TPST1: variants seen among roughly 807,000 people sequenced by gnomAD.
TPST1 encodes protein-tyrosine sulfotransferase 1.
In TPST1, 20 loss-of-function variants were observed where a neutral mutation model predicts 34.8. That is an observed-to-expected ratio of 0.57 (90% confidence interval 0.40 to 0.84). TPST1 has a LOEUF of 0.84. Ranked by LOEUF, TPST1 falls within the 40% of genes least tolerant of loss-of-function variation. The pLI is 0.00. For synonymous variants in TPST1, 152 were observed against 159.4 expected, an observed-to-expected ratio of 0.95 and a Z score of 0.35; for missense variants, 353 against 455.5, an observed-to-expected ratio of 0.78 and a Z score of 2.05.
intron 2 of TPST1, among the ~76,000 whole-genome samples, chr7:66,276,365 C>CATATATATATACATATATATATATAT (rs1554347639): frequency 1.1e-5 from 1 of 90,870 alleles, no homozygotes; most frequent in African/African-American, 6.0e-5. Context: ...AAAAACATTT[C>CATATATATATACATATATATATATAT]ATATATATAT....
In TPST1 at chr7:66,352,486, G is replaced by A. The variant is rs1363056; in HGVS notation, c.1045-19G>A. On this transcript the variant is annotated intron_variant, in intron 3 of 5. Transcript: ENST00000304842. ...ACTGGACCTGTTGCCTTAAACTCAC[G>A]CCTGCTTTGTTTTTCCAGGTCTATA... 73,489 of 1,610,160 alleles carry A rather than the reference G, an allele frequency of 0.046. 2,054 individuals are homozygous for A. The highest frequency in any genetic ancestry group is 0.11 in the East Asian group (4,902 of 44,840).
intron 2 of TPST1, among the ~76,000 whole-genome samples, chr7:66,269,898 TGTATCCTACGGTCTCATG>T (rs1790670617): frequency 6.6e-6 from 1 of 152,124 alleles, no homozygotes; most frequent in Admixed American, 6.6e-5. Flanking sequence ...CCAGCCATCA[TGTATCCTACGGTCTCATG>T]GTGGGGGAGG....
chr7:66,325,234 C>T (rs1393157422), intron 3 of TPST1, among the ~76,000 whole-genome samples: 4 of 152,130 alleles, frequency 2.6e-5, no homozygotes, highest in South Asian at 4.1e-4. Context: ...CTCACTATCA[C>T]GAGGACAGCA....
chr7:66,328,857 CCG>C (rs1562847063), intron 3 of TPST1, among the ~76,000 whole-genome samples: 3 of 63,800 alleles, frequency 4.7e-5, no homozygotes, highest in African/African-American at 1.7e-4. Flanking sequence ...TCTCTCTCTC[CCG>C]CTCTCTCTCT....
intron 3 of TPST1, among the ~76,000 whole-genome samples, chr7:66,341,394 C>T (rs1406609335): frequency 1.1e-4 from 16 of 152,180 alleles, no homozygotes; most frequent in Admixed American, 9.8e-4. Context: ...TTCTCTGCCT[C>T]AGCCTCCCAA....
chr7:66,253,709 TACC>T (rs1584179499), intron 2 of TPST1, among the ~76,000 whole-genome samples: 1 of 151,484 alleles, frequency 6.6e-6, no homozygotes, highest in Non-Finnish European at 1.5e-5. Context: ...TAATGCCATA[TACC>T]ACTCTATTTT....
chr7:66,212,521 A>G (rs1789285629), intron 1 of TPST1, among the ~76,000 whole-genome samples: 1 of 149,108 alleles, frequency 6.7e-6, no homozygotes, highest in South Asian at 2.1e-4. Flanking sequence ...GTGCAATGAT[A>G]TGATCTCGGC....
chr7:66,253,114 C>T (rs967054443), intron 2 of TPST1, among the ~76,000 whole-genome samples: 9 of 152,044 alleles, frequency 5.9e-5, no homozygotes, highest in African/African-American at 1.9e-4. Flanking sequence ...ATTGAATCTA[C>T]GTGAATGAAG....
chr7:66,213,451 A>G (rs1020836700), intron 1 of TPST1, among the ~76,000 whole-genome samples: 1 of 152,116 alleles, frequency 6.6e-6, no homozygotes, highest in Non-Finnish European at 1.5e-5. Context: ...TAAAGAGTGT[A>G]TGTAATGGCT....
chr7:66,353,906 C>A (rs1243896584), intron 4 of TPST1, among the ~76,000 whole-genome samples: 1 of 152,230 alleles, frequency 6.6e-6, no homozygotes, highest in African/African-American at 2.4e-5. Flanking sequence ...ATGTCTCACA[C>A]CAGAGTTGAA....
chr7:66,285,812 A>G (rs539634212), intron 2 of TPST1, among the ~76,000 whole-genome samples: 1 of 152,224 alleles, frequency 6.6e-6, no homozygotes, highest in Admixed American at 6.5e-5. Context: ...ACAGGCTTAG[A>G]GTAAATTTCC....
intron 3 of TPST1, among the ~76,000 whole-genome samples, chr7:66,333,581 T>C (rs1409111358): frequency 1.3e-5 from 2 of 152,232 alleles, no homozygotes; most frequent in Non-Finnish European, 2.9e-5. Context: ...TAGTCTTTTT[T>C]TCCCAGCTCC....
Position 66,270,290 on chromosome 7 carries a change from T to C in TPST1, c.846-16221T>C, listed in dbSNP as rs73365424. ...TTTTATGTGGGACCTTGTAGACCAC[T>C]GGAAGGACTATTTTAAAAATTACCT... On this transcript the variant is annotated intron_variant, in intron 2 of 5. Transcript: ENST00000304842. Among the ~76,000 whole-genome samples, 388 of 152,304 alleles carry C rather than the reference T, an allele frequency of 2.5e-3. 1 individual carries two copies. The highest frequency in any genetic ancestry group is 9.0e-3 in the African/African-American group (374 of 41,554).
At chr7:66,215,927 G>A (rs1431845312) in intron 1 of TPST1, among the ~76,000 whole-genome samples, 16 of 150,556 alleles carry the variant, frequency 1.1e-4, no homozygotes, top group African/African-American at 3.7e-4. Flanking sequence ...CGCCCGCCAC[G>A]ACGGCTGGCT....
intron 1 of TPST1, among the ~76,000 whole-genome samples, chr7:66,216,007 G>C (rs1346520910): frequency 6.6e-6 from 1 of 151,918 alleles, no homozygotes; most frequent in Admixed American, 6.6e-5. Context: ...TCCTGACCTT[G>C]TGATCCGCCC....
chr7:66,242,074 A>G lies in TPST1; in HGVS notation c.845+804A>G, dbSNP rs1414933929. On this transcript the variant is annotated intron_variant, in intron 2 of 5. Coordinates refer to ENST00000304842, the MANE Select transcript of TPST1 (RefSeq NM_003596.4). ...TTTTTAGCATTTTGCTTCTTTTCTT[A>G]TGAAGTGACAACTAGTATACCCTCT... Among the ~76,000 whole-genome samples the G allele has an allele frequency of 3.3e-5, 5 of 152,300 alleles. No homozygotes were observed. The South Asian group carries it at 8.3e-4, about 25-fold the overall frequency.
chr7:66,314,308 G>A (rs1490552577), intron 3 of TPST1, among the ~76,000 whole-genome samples: 1 of 152,210 alleles, frequency 6.6e-6, no homozygotes, highest in Non-Finnish European at 1.5e-5. Flanking sequence ...GCAGAGGCAG[G>A]AGGATCGCTT....
chr7:66,206,118 C>T (rs906263901), intron 1 of TPST1, among the ~76,000 whole-genome samples: 2 of 120,326 alleles, frequency 1.7e-5, no homozygotes, highest in African/African-American at 6.5e-5. Flanking sequence ...ATGCCGGATT[C>T]ATCGCTTTTT....
chr7:66,314,670 A>C (rs1451029951), intron 3 of TPST1, among the ~76,000 whole-genome samples: 1 of 152,196 alleles, frequency 6.6e-6, no homozygotes, highest in African/African-American at 2.4e-5. Context: ...GTGTACTTAC[A>C]TAAATTTAGA....
Sources: gnomAD v4.1 joint callset for allele counts (sites outside exome capture counted in the v4.1 genomes callset) on GRCh38, gnomAD v4.1.1 for gene constraint, MANE v1.5 for transcripts, NCBI Gene and HGNC (gene_info 2026-07-23, HGNC 2026-07-21) for gene names.